CRY1: variants seen among roughly 807,000 people sequenced by gnomAD.
The protein encoded by CRY1 is cryptochrome circadian regulator 1.
Under a neutral mutation model 76.0 loss-of-function variants are expected in CRY1, and 45 were observed. The observed-to-expected ratio is 0.59, with a 90% confidence interval of 0.47 to 0.76. The LOEUF is 0.76. Among genes scored for constraint, CRY1 ranks in the 30% least tolerant of loss-of-function variants. The pLI is 0.00. For missense variants in CRY1, 587 were observed against 716.4 expected (o/e 0.82, Z 2.06); for synonymous variants, 248 against 244.0 (o/e 1.02, Z -0.15).
intron 1 of CRY1, among the ~76,000 whole-genome samples, chr12:107,057,503 C>T (rs1214094834): frequency 6.6e-6 from 1 of 152,150 alleles, no homozygotes; most frequent in Non-Finnish European, 1.5e-5. Context: ...CACAAACCCA[C>T]ATTTCAAAGA....
chr12:107,033,353 A>C (rs77063081), intron 1 of CRY1, among the ~76,000 whole-genome samples: 2,146 of 152,304 alleles, frequency 0.014, 58 homozygotes, highest in African/African-American at 0.049. Context: ...CTATTTTTAC[A>C]AAGGATTCCA....
intron 1 of CRY1, among the ~76,000 whole-genome samples, chr12:107,071,450 T>G (rs1445278460): frequency 2.0e-5 from 3 of 152,230 alleles, no homozygotes; most frequent in Non-Finnish European, 4.4e-5. Flanking sequence ...ACATTTAAAA[T>G]ATGCTTCTGT....
At chr12:107,051,535 T>C (rs1952920947) in intron 1 of CRY1, among the ~76,000 whole-genome samples, 1 of 152,132 alleles carries the variant, frequency 6.6e-6, no homozygotes, top group South Asian at 2.1e-4. Context: ...CCAAATTTAA[T>C]GAGAATAAGA....
intron 2 of CRY1, among the ~76,000 whole-genome samples, chr12:107,013,070 C>T (rs138315505): frequency 4.5e-4 from 68 of 152,272 alleles, no homozygotes; most frequent in African/African-American, 1.5e-3. Flanking sequence ...GGTTATAACA[C>T]AAATTTAGTT....
intron 1 of CRY1, among the ~76,000 whole-genome samples, chr12:107,077,990 AAT>A (rs1953278940): frequency 6.6e-6 from 1 of 152,234 alleles, no homozygotes; most frequent in Non-Finnish European, 1.5e-5. Flanking sequence ...ACAAACATGA[AAT>A]GAAGATCTGG....
At chr12:107,061,746 C>A (rs546351557) in intron 1 of CRY1, among the ~76,000 whole-genome samples, 7 of 152,206 alleles carry the variant, frequency 4.6e-5, no homozygotes, top group African/African-American at 1.7e-4. Flanking sequence ...TTTCAATGCA[C>A]AAAAATACAC....
chr12:107,036,711 A>G (rs949433774), intron 1 of CRY1, among the ~76,000 whole-genome samples: 2 of 151,866 alleles, frequency 1.3e-5, no homozygotes, highest in African/African-American at 4.8e-5. Context: ...TTCCAGCCAC[A>G]TGTCCTCCTT....
Position 107,093,054 on chromosome 12 carries a change from C to G in CRY1, c.-93G>C. 1.4e-6 allele frequency: 2 copies of G among 1,388,622 alleles called. No individual in the cohort carries two copies. The highest frequency in any genetic ancestry group is 1.9e-6 in the Non-Finnish European group (2 of 1,062,320). The allele number at this position is 1,388,622 out of a possible 1,614,324, so 86.0% of individuals were successfully genotyped here. A position where few individuals can be genotyped will look rare whatever the true frequency, so the allele number is the denominator to read the frequency against. On this transcript the variant is annotated 5_prime_UTR_variant, in exon 1 of 13. Transcript: ENST00000008527. ...CTTCGCTTCCAAGAGAATTGCCTCA[C>G]CCGGGGCGTGAGGAAAGGGCGGCAG...
chr12:107,022,043 T>C (rs1325178967), intron 2 of CRY1, 41 bp downstream of exon 2: 17 of 1,390,712 alleles, frequency 1.2e-5, no homozygotes, highest in Non-Finnish European at 1.7e-5. Context: ...TGTAATATTA[T>C]CTGAGAAAAG....
intron 10 of CRY1, among the ~76,000 whole-genome samples, chr12:106,995,804 C>T (rs1009767447): frequency 1.2e-4 from 19 of 152,020 alleles, no homozygotes; most frequent in Admixed American, 6.6e-4. Context: ...TAATGCTCTC[C>T]CTGCCCCTGC....
At position 107,001,893 on chromosome 12, in the gene CRY1, G is replaced by C. The variant is rs1026251194; in HGVS notation, c.466C>G (p.Leu156Val). Residue 156 changes from leucine to valine, a missense_variant, in exon 4 of 13, where the codon CTC becomes GTC. Leu to Val is a conservative substitution (Grantham distance 32). Transcript: ENST00000008527. Reference protein sequence around the residue: ...PPLTYKRFQTLISKMEPLEIP... With the variant: ...PPLTYKRFQTVISKMEPLEIP... ...TCTAGTGGTTCCATTTTGCTGATGA[G>C]AGTCTGGAATCTTTTATAAGTTAGA... 5.0e-6 allele frequency: 8 copies of C among 1,600,656 alleles called. 1 individual carries two copies. The Admixed American group carries it at 1.4e-4, about 29-fold the overall frequency.
chr12:107,087,294 G>C (rs989117617), intron 1 of CRY1, among the ~76,000 whole-genome samples: 1 of 151,882 alleles, frequency 6.6e-6, no homozygotes, highest in Non-Finnish European at 1.5e-5. Context: ...AAGATTAAAA[G>C]AATCCTTTGG....
At chr12:107,044,521 A>C (rs1484777893) in intron 1 of CRY1, among the ~76,000 whole-genome samples, 3 of 152,198 alleles carry the variant, frequency 2.0e-5, no homozygotes, top group African/African-American at 7.2e-5. Context: ...AACAGGTGAA[A>C]GTCTGTCTCT....
In CRY1 at chr12:107,070,431, T is replaced by A. The variant is rs1953174667; in HGVS notation, c.158+22373A>T. Among the ~76,000 whole-genome samples, 4 of 152,116 alleles carry A rather than the reference T, an allele frequency of 2.6e-5. No homozygotes were observed. In the South Asian group the frequency reaches 8.3e-4, roughly 31 times the overall value. On this transcript the variant is annotated intron_variant, in intron 1 of 12. Transcript: ENST00000008527. Reference sequence around the variant, plus strand: ...CACATAAAACAATATCTGTTTTGCATGAACACACAGTTACAAAAAGATAAA... The same window carrying A: ...CACATAAAACAATATCTGTTTTGCAAGAACACACAGTTACAAAAAGATAAA...
chr12:107,019,155 G>A (rs1952526563), intron 2 of CRY1, among the ~76,000 whole-genome samples: 1 of 152,030 alleles, frequency 6.6e-6, no homozygotes. Flanking sequence ...GAGAAACTGT[G>A]GTTGTGATGG....
chr12:107,024,186 C>T (rs935031818), intron 1 of CRY1, among the ~76,000 whole-genome samples: 3 of 152,126 alleles, frequency 2.0e-5, no homozygotes, highest in African/African-American at 7.2e-5. Context: ...TCTTCCCCAC[C>T]AGAAGTGAGT....
intron 1 of CRY1, among the ~76,000 whole-genome samples, chr12:107,032,364 T>C (rs1168185658): frequency 3.3e-5 from 5 of 152,174 alleles, no homozygotes; most frequent in Admixed American, 1.3e-4. Context: ...TCTAAAATTA[T>C]TCAAAAAAAT....
At chr12:107,019,510 A>G (rs115115275) in intron 2 of CRY1, among the ~76,000 whole-genome samples, 2,437 of 152,294 alleles carry the variant, frequency 0.016, 68 homozygotes, top group African/African-American at 0.056. Context: ...TCATTTAAAT[A>G]CAGAAGATAG....
At chr12:107,069,278 G>A (rs1953149789) in intron 1 of CRY1, among the ~76,000 whole-genome samples, 1 of 148,764 alleles carries the variant, frequency 6.7e-6, no homozygotes, top group Non-Finnish European at 1.5e-5. Flanking sequence ...AGGCTGGAGT[G>A]CAGTGGTGCA....
Sources: allele counts gnomAD v4.1 joint callset (sites outside exome capture counted in the v4.1 genomes callset), GRCh38; gene constraint gnomAD v4.1.1; transcripts MANE v1.5; gene names NCBI Gene and HGNC (gene_info 2026-07-23, HGNC 2026-07-21).